Variants in ADGRV1 observed in about 807,000 individuals in gnomAD.
The protein encoded by ADGRV1 is G-protein coupled receptor 98.
A neutral mutation model predicts 596.2 loss-of-function variants in ADGRV1; 359 were observed. The ratio of observed to expected loss-of-function variants is 0.60; its 90% CI spans 0.55 to 0.66. The LOEUF is 0.66. Among genes scored for constraint, ADGRV1 ranks in the 30% least tolerant of loss-of-function variants. ADGRV1 has a pLI of 0.00. For synonymous variants in ADGRV1, 2,681 were observed against 2,679.2 expected, an observed-to-expected ratio of 1.00 and a Z score of -0.02; for missense variants, 7,274 against 7,575.6, an observed-to-expected ratio of 0.96 and a Z score of 1.48.
In ADGRV1 at chr5:90,617,962, G is replaced by A. The variant is rs774079292; in HGVS notation, c.357+9G>A. On this transcript the variant is annotated intron_variant, in intron 3 of 89. Coordinates refer to ENST00000405460, the MANE Select transcript of ADGRV1 (RefSeq NM_032119.4). ...TTCACTTAACATTACAGGTAAGTCC[G>A]TGTTTCCTCCTTATAAAAATTATAA... is the stretch of plus-strand genomic sequence containing the variant. The A allele has an allele frequency of 5.1e-5, 78 of 1,532,416 alleles. No homozygotes were observed. Among genetic ancestry groups the A allele is most frequent in the East Asian group, 2.6e-4 (11 of 42,174 alleles). 94.9% of individuals were successfully genotyped at this position (1,532,416 alleles called of 1,614,324 possible).
chr5:90,990,485 T>A (rs1780871018), intron 85 of ADGRV1, among the ~76,000 whole-genome samples: 2 of 152,122 alleles, frequency 1.3e-5, no homozygotes, highest in Admixed American at 6.6e-5. Context: ...AATGCACCGT[T>A]CACAATAGGG....
intron 89 of ADGRV1, among the ~76,000 whole-genome samples, chr5:91,163,016 GTTA>G (rs1797083870): frequency 6.6e-6 from 1 of 152,002 alleles, no homozygotes; most frequent in East Asian, 1.9e-4. Flanking sequence ...TCCTCTGAAC[GTTA>G]TTACAAAAGA....
At chr5:90,879,256 G>A (rs923318167) in intron 83 of ADGRV1, among the ~76,000 whole-genome samples, 1 of 152,132 alleles carries the variant, frequency 6.6e-6, no homozygotes, top group Non-Finnish European at 1.5e-5. Flanking sequence ...GGAGAGAAAG[G>A]CCCTTATATT....
chr5:91,047,102 T>C (rs939065287), intron 85 of ADGRV1, among the ~76,000 whole-genome samples: 1 of 152,138 alleles, frequency 6.6e-6, no homozygotes, highest in South Asian at 2.1e-4. Context: ...TGAAAAACAA[T>C]GTGGTGACTA....
intron 81 of ADGRV1, among the ~76,000 whole-genome samples, chr5:90,854,550 G>T (rs1330116661): frequency 6.6e-6 from 1 of 152,180 alleles, no homozygotes. Context: ...ATCTGGGCTT[G>T]TGGTTCTGGA....
chr5:90,581,342 T>G (rs1175489880), intron 1 of ADGRV1, among the ~76,000 whole-genome samples: 2 of 152,160 alleles, frequency 1.3e-5, no homozygotes, highest in African/African-American at 4.8e-5. Flanking sequence ...GGTGCTCTAG[T>G]TTTTAGAATT....
At chr5:91,036,314 C>A (rs936898236) in intron 85 of ADGRV1, among the ~76,000 whole-genome samples, 25 of 151,946 alleles carry the variant, frequency 1.6e-4, no homozygotes, top group Admixed American at 3.3e-4. Flanking sequence ...ACCTGGGCAA[C>A]AAAGCAAGAG....
At chr5:90,871,681 C>T (rs1460388484) in intron 83 of ADGRV1, among the ~76,000 whole-genome samples, 1 of 152,204 alleles carries the variant, frequency 6.6e-6, no homozygotes, top group South Asian at 2.1e-4. Flanking sequence ...CTATCCTTGA[C>T]CTTTAAAAGC....
chr5:90,716,543 A>G lies in ADGRV1; in HGVS notation c.9261A>G (p.Arg3087=). ...ACAACAGTGAGCACTTTTTCCTAAG[A>G]GAGCCAACAGCTCTCTACGTCCAGG... ...SFNNSEHFFL[R]EPTALYVQES... is the part of the protein sequence containing the mutation. The change falls in exon 43 of 90, where the codon AGA becomes AGG. Residue 3087 remains arginine (R), a synonymous_variant. Transcript: ENST00000405460. 1.2e-6 allele frequency: 2 copies of G among 1,612,930 alleles called. No homozygotes were observed. Among genetic ancestry groups the G allele is most frequent in the Non-Finnish European group, 1.7e-6 (2 of 1,179,316 alleles).
chr5:90,589,965 T>G (rs1455521675), intron 1 of ADGRV1, among the ~76,000 whole-genome samples: 3 of 152,216 alleles, frequency 2.0e-5, no homozygotes, highest in Non-Finnish European at 4.4e-5. Flanking sequence ...TACATAAATA[T>G]ATTTGTACAT....
At chr5:91,112,175 G>T (rs540559811) in intron 87 of ADGRV1, among the ~76,000 whole-genome samples, 29 of 152,296 alleles carry the variant, frequency 1.9e-4, no homozygotes, top group Admixed American at 7.8e-4. Context: ...CTAAATAAAA[G>T]TGTCAAGGTC....
At chr5:90,759,357 T>C (rs1756200043) in intron 57 of ADGRV1, 52 bp from the exon 58 acceptor site, 1 of 1,267,892 alleles carries the variant, frequency 7.9e-7, no homozygotes. Flanking sequence ...ATTTCCTATC[T>C]TCCTCCTTCT....
At chr5:90,779,288 TA>T (rs924922024) in intron 64 of ADGRV1, 191 bp downstream of exon 64, 3 of 409,498 alleles carry the variant, frequency 7.3e-6, no homozygotes, top group African/African-American at 6.0e-5. Flanking sequence ...TTAATTTTGT[TA>T]AATATAACTT....
At chr5:91,054,100 TGTGAGAGAGAGAGAGA>T (rs1447741442) in intron 85 of ADGRV1, among the ~76,000 whole-genome samples, 1 of 108,192 alleles carries the variant, frequency 9.2e-6, no homozygotes, top group African/African-American at 3.4e-5. Flanking sequence ...TGTGTGTGTG[TGTGAGAGAGAGAGAGA>T]GAGAGAGAGA....
At chr5:90,802,388 A>T (rs1561764757) in intron 70 of ADGRV1, among the ~76,000 whole-genome samples, 1 of 151,786 alleles carries the variant, frequency 6.6e-6, no homozygotes, top group East Asian at 1.9e-4. Flanking sequence ...GCTAATTTTT[A>T]TTTTTATTTT....
chr5:91,135,396 T>C (rs1411129300), intron 87 of ADGRV1, among the ~76,000 whole-genome samples: 1 of 152,136 alleles, frequency 6.6e-6, no homozygotes, highest in African/African-American at 2.4e-5. Context: ...CAACTATAGG[T>C]GTTTTTAGGC....
chr5:90,583,458 T>G (rs1317680452), intron 1 of ADGRV1, among the ~76,000 whole-genome samples: 1 of 152,184 alleles, frequency 6.6e-6, no homozygotes, highest in East Asian at 1.9e-4. Flanking sequence ...TTAGTGATAT[T>G]TTAACATCTT....
chr5:90,818,342 C>A (rs1205799306), intron 75 of ADGRV1, among the ~76,000 whole-genome samples: 1 of 150,954 alleles, frequency 6.6e-6, no homozygotes, highest in African/African-American at 2.4e-5. Context: ...TCTAGATATA[C>A]AATCATGTCA....
chr5:90,910,169 T>G (rs765822331), intron 83 of ADGRV1, among the ~76,000 whole-genome samples: 5 of 152,252 alleles, frequency 3.3e-5, no homozygotes, highest in Non-Finnish European at 5.9e-5. Context: ...TTTAAAAGAT[T>G]CCTGCCAAGA....
Sources: gnomAD v4.1 joint callset for allele counts (sites outside exome capture counted in the v4.1 genomes callset) on GRCh38, gnomAD v4.1.1 for gene constraint, MANE v1.5 for transcripts, NCBI Gene and HGNC (gene_info 2026-07-23, HGNC 2026-07-21) for gene names.